Variants in AKAP11 observed in about 807,000 individuals in gnomAD.
The protein encoded by AKAP11 is A-kinase anchor protein 11.
In AKAP11, 36 loss-of-function variants were observed where a neutral mutation model predicts 146.1. The ratio of observed to expected loss-of-function variants is 0.25; its 90% CI spans 0.19 to 0.33. AKAP11 has a LOEUF of 0.33. Among genes scored for constraint, AKAP11 ranks in the 10% least tolerant of loss-of-function variants. The pLI is 1.00. For missense variants in AKAP11, 2,201 were observed against 2,197.0 expected, an observed-to-expected ratio of 1.00 and a Z score of -0.04; for synonymous variants, 780 against 786.5, an observed-to-expected ratio of 0.99 and a Z score of 0.14.
intron 1 of AKAP11, among the ~76,000 whole-genome samples, chr13:42,276,975 A>T (rs1958937291): frequency 6.6e-6 from 1 of 152,250 alleles, no homozygotes; most frequent in African/African-American, 2.4e-5. Context: ...GGATAGGGCT[A>T]CGTACAAGAT....
At position 42,292,398 on chromosome 13, in the gene AKAP11, A is replaced by T; in HGVS notation, c.65A>T (p.Asp22Val). The change falls in exon 4 of 13, where the codon GAT becomes GTT. Residue 22 changes from aspartate (D) to valine (V), a missense_variant. Physicochemically the swap from Asp to Val is radical, Grantham distance 152. Coordinates refer to ENST00000025301, the MANE Select transcript of AKAP11 (RefSeq NM_016248.4). The stretch of plus-strand genomic sequence containing the variant: ...TTTCCCCTGCAGAGCTTCAGTGAAG[A>T]TGTGTTCCAGTCTGTAAAGTCTTTA... ...KASVRKSFSE[D>V]VFQSVKSLLQ... is the part of the protein sequence containing the mutation. The T allele has an allele frequency of 6.4e-7, 1 of 1,567,844 alleles. No homozygotes were observed. Among genetic ancestry groups the T allele is most frequent in the Non-Finnish European group, 8.7e-7 (1 of 1,147,700 alleles).
Position 42,302,163 on chromosome 13 carries a change from T to C in AKAP11, c.3417T>C (p.Ser1139=). Residue 1139 remains serine (S), a synonymous_variant, in exon 8 of 13, where the codon TCT becomes TCC. Coordinates refer to ENST00000025301, the MANE Select transcript of AKAP11 (RefSeq NM_016248.4). ...AGTTTGCACCTGCTACACCACCTTC[T>C]ACTCCACACAACTCATCTGTTGGTA... ...AKEFAPATPP[S]TPHNSSVGSL... is the part of the protein sequence containing the mutation. 6.2e-7 allele frequency: 1 copy of C among 1,614,170 alleles called. No individual in the cohort carries two copies. Among genetic ancestry groups the C allele is most frequent in the Non-Finnish European group, 8.5e-7 (1 of 1,179,996 alleles).
chr13:42,279,619 T>C (rs186373457), intron 1 of AKAP11, among the ~76,000 whole-genome samples: 39 of 152,344 alleles, frequency 2.6e-4, no homozygotes, highest in African/African-American at 8.7e-4. Context: ...TGGAACATAT[T>C]TGTACTATAG....
At chr13:42,274,624 G>A (rs1263316481) in intron 1 of AKAP11, among the ~76,000 whole-genome samples, 1 of 150,450 alleles carries the variant, frequency 6.6e-6, no homozygotes, top group Non-Finnish European at 1.5e-5. Flanking sequence ...ATGGGAGATT[G>A]CAGTGAGCCG....
chr13:42,313,247 A>G (rs1007460384), intron 10 of AKAP11, 117 bp downstream of exon 10: 3 of 678,514 alleles, frequency 4.4e-6, no homozygotes, highest in Non-Finnish European at 2.4e-6. Flanking sequence ...CTTTTCTCCT[A>G]TATTTTGACA....
In AKAP11 at chr13:42,297,076, C is replaced by T. The variant is rs903524726; in HGVS notation, c.245C>T (p.Pro82Leu). ...TTAGCTGCAGTTTCTTTGGAACTTC[C>T]AGATATTCTGAATTCACTCCACTTC... ...QDLAAVSLEL[P>L]DILNSLHFCS... is the part of the protein sequence containing the mutation. The change falls in exon 6 of 13, where the codon CCA becomes CTA. Residue 82 changes from proline (P) to leucine (L), a missense_variant. Pro to Leu is a moderately conservative substitution (Grantham distance 98). Transcript: ENST00000025301. The T allele has an allele frequency of 6.3e-7, 1 of 1,588,722 alleles. No homozygotes were observed. Among genetic ancestry groups the T allele is most frequent in the African/African-American group, 1.4e-5 (1 of 73,112 alleles).
Position 42,319,906 on chromosome 13 carries a change from G to GGTGTGTGT in AKAP11, c.*715_*722dup, listed in dbSNP as rs3038992. On this transcript the variant is annotated 3_prime_UTR_variant, in exon 13 of 13. Coordinates refer to ENST00000025301, the MANE Select transcript of AKAP11 (RefSeq NM_016248.4). ...TGCTGCCAGTCATTCTGGCATGAAA[G>GGTGTGTGT]GTGTGTGTGTGTGTGTGTGTGTGTG... The GGTGTGTGT allele has an allele frequency of 0.16, 21,163 of 132,486 alleles. 2,315 individuals are homozygous for GGTGTGTGT. The highest frequency in any genetic ancestry group is 0.22 in the Non-Finnish European group (13,395 of 62,018). 8.2% of individuals were successfully genotyped at this position (132,486 alleles called of 1,614,324 possible).
rs764333601 is a variant in AKAP11, at chr13:42,297,136, A to C, written c.305A>C (p.Lys102Thr). 1.3e-6 allele frequency: 2 copies of C among 1,569,892 alleles called. No homozygotes were observed. Among genetic ancestry groups the C allele is most frequent in the Non-Finnish European group, 1.7e-6 (2 of 1,152,358 alleles). ...SLNENEIICM[K>T]NINKPLDISS... ...AATGAAAATGAAATTATTTGTATGA[A>C]GAATATAAATAAACCATTAGATATA... Residue 102 changes from lysine to threonine, a missense_variant, in exon 6 of 13, where the codon AAG (lysine) becomes ACG (threonine). Lys to Thr is a moderately conservative substitution (Grantham distance 78, BLOSUM62 -1). Coordinates refer to ENST00000025301, the MANE Select transcript of AKAP11 (RefSeq NM_016248.4).
Position 42,300,730 on chromosome 13 carries a change from G to T in AKAP11, c.1984G>T (p.Val662Leu). ...GCTTGTTTTTGAAGGCATCATGGAG[G>T]TGTGTCAGTTTTCATATCCTCAAAC... ...EELVFEGIME[V>L]CQFSYPQTPA... Residue 662 changes from valine (V) to leucine (L), a missense_variant, in exon 8 of 13, where the codon GTG becomes TTG. This residue lies in a region of AKAP11 where 1,867 missense variants were observed against 1,833.5 expected (regional missense o/e 1.02). Coordinates refer to ENST00000025301, the MANE Select transcript of AKAP11 (RefSeq NM_016248.4). 6.2e-7 allele frequency: 1 copy of T among 1,614,056 alleles called. No homozygotes were observed.
chr13:42,291,113 A>G (rs1028245020), intron 3 of AKAP11, among the ~76,000 whole-genome samples: 6 of 152,056 alleles, frequency 3.9e-5, no homozygotes, highest in Non-Finnish European at 8.8e-5. Context: ...ATTTCCATTT[A>G]TTTTAATTTA....
intron 8 of AKAP11, among the ~76,000 whole-genome samples, chr13:42,304,737 C>G (rs1242217197): frequency 6.6e-6 from 1 of 151,696 alleles, no homozygotes. Context: ...CAGTAGCTAT[C>G]TCTTGTGCTC....
Position 42,300,127 on chromosome 13 carries a change from T to C in AKAP11, c.1381T>C (p.Cys461Arg), listed in dbSNP as rs748937986. Residue 461 changes from cysteine to arginine, a missense_variant, in exon 8 of 13, where the codon TGT becomes CGT. Cys to Arg is a radical substitution (Grantham distance 180, BLOSUM62 -3). Coordinates refer to ENST00000025301, the MANE Select transcript of AKAP11 (RefSeq NM_016248.4). ...CTCTGCTTTTAGTCCTCTTGGAGGC[T>C]GTACTCCAGCTGAATGTTTTTGCCA... ...RSSAFSPLGG[C>R]TPAECFCQTD... is the part of the protein sequence containing the mutation. 6.8e-6 allele frequency: 11 copies of C among 1,613,896 alleles called. No individual in the cohort carries two copies. Among genetic ancestry groups the C allele is most frequent in the Non-Finnish European group, 9.3e-6 (11 of 1,179,870 alleles).
intron 9 of AKAP11, 38 bp downstream of exon 9, chr13:42,308,647 C>T (rs1478345747): frequency 2.6e-6 from 4 of 1,516,060 alleles, no homozygotes; most frequent in South Asian, 1.3e-5. Flanking sequence ...TAGTTTAGGT[C>T]CTCAGATCTT....
intron 11 of AKAP11, 80 bp downstream of exon 11, chr13:42,314,020 G>T: frequency 7.1e-7 from 1 of 1,401,380 alleles, no homozygotes; most frequent in Non-Finnish European, 1.0e-6. Context: ...ATTTTCATCA[G>T]ATAGGCTCTA....
At chr13:42,315,175 T>C (rs916446857) in intron 11 of AKAP11, among the ~76,000 whole-genome samples, 1 of 152,198 alleles carries the variant, frequency 6.6e-6, no homozygotes, top group Non-Finnish European at 1.5e-5. Context: ...ACCTGAATTT[T>C]CAGTTAGTTT....
At position 42,305,300 on chromosome 13, in the gene AKAP11, G is replaced by A. The variant is rs980302762; in HGVS notation, c.5117+1437G>A. ...TCTTTTCTTATCCATCTTAAAATAG[G>A]GAGATATAGCTTGGCCAGGATTCTT... On this transcript the variant is annotated intron_variant, in intron 8 of 12. Transcript: ENST00000025301. Among the ~76,000 whole-genome samples, 3 of 152,280 alleles carry A rather than the reference G, an allele frequency of 2.0e-5. No individual in the cohort carries two copies. In the East Asian group the frequency reaches 5.8e-4, roughly 29 times the overall value.
chr13:42,296,021 C>T (rs1245819371), intron 5 of AKAP11, among the ~76,000 whole-genome samples: 2 of 151,980 alleles, frequency 1.3e-5, no homozygotes, highest in African/African-American at 2.4e-5. Flanking sequence ...AAAATTTAGC[C>T]TGTTTGATTT....
intron 1 of AKAP11, among the ~76,000 whole-genome samples, chr13:42,285,041 T>C (rs1420057314): frequency 6.6e-6 from 1 of 152,232 alleles, no homozygotes; most frequent in Non-Finnish European, 1.5e-5. Flanking sequence ...TATAGTCTTA[T>C]CTGCATAGCA....
At chr13:42,277,209 A>G (rs575167188) in intron 1 of AKAP11, among the ~76,000 whole-genome samples, 3 of 152,376 alleles carry the variant, frequency 2.0e-5, no homozygotes, top group African/African-American at 7.2e-5. Context: ...TGCACACTCA[A>G]TAGTGAAACT....
Sources: gnomAD v4.1 joint callset for allele counts (sites outside exome capture counted in the v4.1 genomes callset) on GRCh38, gnomAD v4.1.1 for gene constraint, gnomAD v4.1.1 regional missense constraint, MANE v1.5 for transcripts, NCBI Gene and HGNC (gene_info 2026-07-23, HGNC 2026-07-21) for gene names.